Variants in PCDHGC5 observed in about 807,000 individuals in gnomAD.
The protein encoded by PCDHGC5 is protocadherin gamma-C5.
PCDHGC5 carries 25 observed loss-of-function variants against 59.0 expected under a neutral mutation model. The observed-to-expected ratio is 0.42, with a 90% confidence interval of 0.31 to 0.59. The LOEUF is 0.59. PCDHGC5 is among the 20% of genes least tolerant of loss of function. The pLI is 0.13. For missense variants in PCDHGC5, 1,067 were observed against 1,206.4 expected (o/e 0.88, Z 1.71); for synonymous variants, 434 against 505.5 (o/e 0.86, Z 1.90).
In PCDHGC5 at chr5:141,511,036, G is replaced by T; in HGVS notation, c.2698G>T (p.Val900Leu). The T allele has an allele frequency of 1.2e-6, 2 of 1,614,200 alleles. No homozygotes were observed. The highest frequency in any genetic ancestry group is 1.7e-6 in the Non-Finnish European group (2 of 1,180,024). Residue 900 changes from valine to leucine, a missense_variant, in exon 4 of 4, where the codon GTG (valine) becomes TTG (leucine). Transcript: ENST00000252087. ...RYGPQFTLQHVPDYRQNVYIP... is the reference protein window; with the variant it reads ...RYGPQFTLQHLPDYRQNVYIP... Reference sequence around the variant, plus strand: ...CGGACCCCAGTTCACCCTGCAGCACGTGCCCGACTACCGCCAGAATGTCTA... The same window carrying T: ...CGGACCCCAGTTCACCCTGCAGCACTTGCCCGACTACCGCCAGAATGTCTA...
chr5:141,495,041 G>A, intron 2 of PCDHGC5, 176 bp downstream of exon 2: 1 of 942,350 alleles, frequency 1.1e-6, no homozygotes, highest in Non-Finnish European at 1.3e-6. Flanking sequence ...AGGAAGAGGC[G>A]ACTGCCCTGA....
chr5:141,497,512 T>C (rs903352739), intron 2 of PCDHGC5, among the ~76,000 whole-genome samples: 2 of 151,896 alleles, frequency 1.3e-5, no homozygotes, highest in Admixed American at 1.3e-4. Flanking sequence ...TCTGCTTCCT[T>C]AGTTAACTTG....
At chr5:141,510,158 A>G (rs1406170246) in intron 3 of PCDHGC5, among the ~76,000 whole-genome samples, 1 of 152,018 alleles carries the variant, frequency 6.6e-6, no homozygotes, top group African/African-American at 2.4e-5. Flanking sequence ...CTGTAATCTC[A>G]GCTACTCAGG....
chr5:141,489,994 C>A lies in PCDHGC5; in HGVS notation c.754C>A (p.Pro252Thr), dbSNP rs1307285048. The A allele has an allele frequency of 1.2e-5, 19 of 1,614,192 alleles. No individual in the cohort carries two copies. The highest frequency in any genetic ancestry group is 1.6e-4 in the Middle Eastern group (1 of 6,062). Residue 252 changes from proline to threonine, a missense_variant, in exon 1 of 4, where the codon CCA becomes ACA. Physicochemically the swap from Pro to Thr is conservative, Grantham distance 38. Transcript: ENST00000252087. This position sits in a 1 kb window ranked among gnomAD's most constrained non-coding sequence, Gnocchi z 4.5. Reference sequence around the variant, plus strand: ...ATCCTCAGTTCTACGTGTGGGAATCCCAGAGAATGCACCCATTGGTACTCT... The same window carrying A: ...ATCCTCAGTTCTACGTGTGGGAATCACAGAGAATGCACCCATTGGTACTCT... The part of the protein sequence containing the change: ...FQSSVLRVGI[P>T]ENAPIGTLLL...
In PCDHGC5 at chr5:141,489,948, T is replaced by C; in HGVS notation, c.708T>C (p.Asn236=). 2 of 1,614,210 alleles carry C rather than the reference T, an allele frequency of 1.2e-6. No individual in the cohort carries two copies. Among genetic ancestry groups the C allele is most frequent in the Non-Finnish European group, 1.7e-6 (2 of 1,180,030 alleles). The change falls in exon 1 of 4, where the codon AAT becomes AAC. Residue 236 remains asparagine, a synonymous_variant. Coordinates refer to ENST00000252087, the MANE Select transcript of PCDHGC5 (RefSeq NM_018929.3). The surrounding 1 kb of genome is among the most constrained non-coding windows in gnomAD (Gnocchi z 4.5). ...TCTCTGTCATCGTGCTGGACATCAA[T>C]GATAATGCTCCAACCTTCCAATCCT... ...TLISVIVLDI[N]DNAPTFQSSV...
intron 3 of PCDHGC5, among the ~76,000 whole-genome samples, chr5:141,505,976 A>G (rs911235674): frequency 1.3e-5 from 2 of 152,136 alleles, no homozygotes; most frequent in Admixed American, 1.3e-4. Context: ...CCCAGCCGAG[A>G]GAACACCTCC....
Position 141,506,991 on chromosome 5 carries a change from C to T in PCDHGC5, c.2608+1510C>T, listed in dbSNP as rs190455068. 3 of 152,366 alleles carry T rather than the reference C, an allele frequency of 2.0e-5. No homozygotes were observed. In the East Asian group the frequency reaches 5.8e-4, roughly 29 times the overall value. The allele number at this position is 152,366 out of a possible 1,614,324, so 9.4% of individuals were successfully genotyped here. A position where few individuals can be genotyped will look rare whatever the true frequency, so the allele number is the denominator to read the frequency against. The stretch of plus-strand genomic sequence containing the variant: ...TGCAAGGCAGGTCTGATTTCTCACA[C>T]TCGACAGATGAGAGAACCGAGAAGG... On this transcript the variant is annotated intron_variant, in intron 3 of 3. Coordinates refer to ENST00000252087, the MANE Select transcript of PCDHGC5 (RefSeq NM_018929.3).
At chr5:141,501,290 TACACACACACACACACACACACACAC>T (rs55762287) in intron 2 of PCDHGC5, among the ~76,000 whole-genome samples, 1 of 136,164 alleles carries the variant, frequency 7.3e-6, no homozygotes, top group Non-Finnish European at 1.6e-5. Flanking sequence ...TATTCCCTTA[TACACACACACACACACACACACACAC>T]ACACACACAC....
rs1245526846 is a variant in PCDHGC5, at chr5:141,512,505, C to T, written c.*1332C>T. ...GCCACTGCCCAGGTCCCCAGTGCGCCCCCTAGTGGCCATAGCCTGGTTAAA... is the reference window on the plus strand; with the variant it reads ...GCCACTGCCCAGGTCCCCAGTGCGCTCCCTAGTGGCCATAGCCTGGTTAAA... On this transcript the variant is annotated 3_prime_UTR_variant, in exon 4 of 4. Transcript: ENST00000252087. The T allele has an allele frequency of 1.3e-5, 2 of 152,888 alleles. No individual in the cohort carries two copies. The highest frequency in any genetic ancestry group is 4.8e-5 in the African/African-American group (2 of 41,466). 9.5% of individuals were successfully genotyped at this position (152,888 alleles called of 1,614,324 possible). A position where few individuals can be genotyped will look rare whatever the true frequency, so the allele number is the denominator to read the frequency against.
chr5:141,491,817 G>T lies in PCDHGC5; in HGVS notation c.2460+117G>T. On this transcript the variant is annotated intron_variant, in intron 1 of 3. Transcript: ENST00000252087. The surrounding 1 kb of genome is among the most constrained non-coding windows in gnomAD (Gnocchi z 6.9). ...TCTCCGGCCGGCTTGGTCGCTGGCT[G>T]CGCTCCACCCGATTCTCGGGATCAT... 1.3e-6 allele frequency: 2 copies of T among 1,484,188 alleles called. No homozygotes were observed. The highest frequency in any genetic ancestry group is 1.8e-6 in the Non-Finnish European group (2 of 1,117,664). 91.9% of individuals were successfully genotyped at this position (1,484,188 alleles called of 1,614,324 possible).
chr5:141,490,874 A>C lies in PCDHGC5; in HGVS notation c.1634A>C (p.His545Pro). 1 of 1,613,948 alleles carries C rather than the reference A, an allele frequency of 6.2e-7. No homozygotes were observed. The highest frequency in any genetic ancestry group is 1.3e-5 in the African/African-American group (1 of 75,054). ...GVRDSGSPPLHANTSLHVFVL... is the reference protein window; with the variant it reads ...GVRDSGSPPLPANTSLHVFVL... The stretch of plus-strand genomic sequence containing the variant: ...CGAGACTCCGGCTCTCCCCCATTGC[A>C]TGCCAACACATCTCTGCATGTGTTT... The change falls in exon 1 of 4, where the codon CAT becomes CCT. Residue 545 changes from histidine (H) to proline (P), a missense_variant. Coordinates refer to ENST00000252087, the MANE Select transcript of PCDHGC5 (RefSeq NM_018929.3). The surrounding 1 kb of genome is among the most constrained non-coding windows in gnomAD (Gnocchi z 5.4).
intron 2 of PCDHGC5, among the ~76,000 whole-genome samples, chr5:141,498,828 G>C (rs2099786098): frequency 6.6e-6 from 1 of 152,092 alleles, no homozygotes; most frequent in Non-Finnish European, 1.5e-5. Flanking sequence ...AGCTACTCAG[G>C]AGGCTGAGGC....
At chr5:141,510,682 GA>G (rs1303501817) in intron 3 of PCDHGC5, among the ~76,000 whole-genome samples, 6 of 152,154 alleles carry the variant, frequency 3.9e-5, no homozygotes, top group Non-Finnish European at 8.8e-5. Flanking sequence ...GTGGCATAAG[GA>G]GGTTAGGTAG....
At position 141,511,423 on chromosome 5, in the gene PCDHGC5, A is replaced by G. The variant is rs1301463531; in HGVS notation, c.*250A>G. On this transcript the variant is annotated 3_prime_UTR_variant, in exon 4 of 4. Transcript: ENST00000252087. ...AATCAACTGCTGTACCCATGGGGGTAGTGGGGTTACTGTAGACACCAAGAA... is the reference window on the plus strand; with the variant it reads ...AATCAACTGCTGTACCCATGGGGGTGGTGGGGTTACTGTAGACACCAAGAA... 15 of 818,384 alleles carry G rather than the reference A, an allele frequency of 1.8e-5. No homozygotes were observed. Among genetic ancestry groups the G allele is most frequent in the East Asian group, 3.0e-5 (1 of 33,874 alleles). 50.7% of individuals were successfully genotyped at this position (818,384 alleles called of 1,614,324 possible). A position where few individuals can be genotyped will look rare whatever the true frequency, so the allele number is the denominator to read the frequency against.
At position 141,496,266 on chromosome 5, in the gene PCDHGC5, AAGACCTTC is replaced by A. The variant is rs2099767586; in HGVS notation, c.2519+1404_2519+1411del. Among the ~76,000 whole-genome samples the A allele has an allele frequency of 2.0e-5, 3 of 152,152 alleles. No homozygotes were observed. The South Asian group carries it at 6.2e-4, about 32-fold the overall frequency. Reference sequence around the variant, plus strand: ...TGAAGGGGAGGGAAACTTCAGCAGAAAGACCTTCAGTTGGTCTGAGCAGAGTGGGATAG... The same window carrying A: ...TGAAGGGGAGGGAAACTTCAGCAGAAAGTTGGTCTGAGCAGAGTGGGATAG... On this transcript the variant is annotated intron_variant, in intron 2 of 3. Coordinates refer to ENST00000252087, the MANE Select transcript of PCDHGC5 (RefSeq NM_018929.3).
chr5:141,503,598 CAAAAA>C (rs765754054), intron 2 of PCDHGC5, among the ~76,000 whole-genome samples: 1 of 65,760 alleles, frequency 1.5e-5, no homozygotes, highest in African/African-American at 4.7e-5. Context: ...GACTCCAGCT[CAAAAA>C]AAAAAAAAAA....
rs759737266 is a variant in PCDHGC5 at position 141,489,464 on chromosome 5, T to A, written c.224T>A (p.Phe75Tyr). 5 of 1,614,030 alleles carry A rather than the reference T, an allele frequency of 3.1e-6. No homozygotes were observed. In the South Asian group the frequency reaches 3.3e-5, roughly 11 times the overall value. Residue 75 changes from phenylalanine (F) to tyrosine (Y), a missense_variant, in exon 1 of 4, where the codon TTT (phenylalanine) becomes TAT (tyrosine). Transcript: ENST00000252087. The surrounding 1 kb of genome is among the most constrained non-coding windows in gnomAD (Gnocchi z 4.5). ...GGCTCTGAGGAGAATGGGCGCTATT[T>A]TTCCCTGAGCTTGATGAGTGGTGCC... Reference protein sequence around the residue: ...QLGSEENGRYFSLSLMSGALA... With the variant: ...QLGSEENGRYYSLSLMSGALA...
In PCDHGC5 at chr5:141,510,932, CCT is replaced by C. The variant is rs753455267; in HGVS notation, c.2609-12_2609-11del. 6 of 1,613,998 alleles carry C rather than the reference CCT, an allele frequency of 3.7e-6. No homozygotes were observed. The highest frequency in any genetic ancestry group is 1.1e-5 in the South Asian group (1 of 91,082). ...CTAAGTTTAGCTCCCACCTGATCTTCCTCTGTCTCTGCAGAAGCTGCTGATGG... is the reference window on the plus strand; with the variant it reads ...CTAAGTTTAGCTCCCACCTGATCTTCCTGTCTCTGCAGAAGCTGCTGATGG... On this transcript the variant is annotated splice_polypyrimidine_tract_variant and intron_variant, in intron 3 of 3. Coordinates refer to ENST00000252087, the MANE Select transcript of PCDHGC5 (RefSeq NM_018929.3).
At chr5:141,495,193 T>G (rs1471524188) in intron 2 of PCDHGC5, among the ~76,000 whole-genome samples, 2 of 152,192 alleles carry the variant, frequency 1.3e-5, no homozygotes, top group Non-Finnish European at 2.9e-5. Flanking sequence ...TCTATGCCCA[T>G]GTACTGCCTA....
Sources: allele counts gnomAD v4.1 joint callset (sites outside exome capture counted in the v4.1 genomes callset), GRCh38; gene constraint gnomAD v4.1.1; non-coding constraint Gnocchi (gnomAD v3.1); transcripts MANE v1.5; gene names NCBI Gene and HGNC (gene_info 2026-07-23, HGNC 2026-07-21).